TTLL11: variants seen among roughly 807,000 people sequenced by gnomAD.
The protein encoded by TTLL11 is tubulin polyglutamylase TTLL11.
In TTLL11, 42 loss-of-function variants were observed where a neutral mutation model predicts 51.7. The observed-to-expected ratio is 0.81, with a 90% CI of 0.64 to 1.05. The LOEUF (loss-of-function observed/expected upper bound fraction) is 1.05, where lower values mean the gene tolerates loss of function less well. Among genes scored for constraint, TTLL11 ranks in the 50% least tolerant of loss-of-function variants. The pLI is 0.00. For synonymous variants in TTLL11, 381 were observed against 383.5 expected, an observed-to-expected ratio of 0.99 and a Z score of 0.08; for missense variants, 799 against 940.4, an observed-to-expected ratio of 0.85 and a Z score of 1.97.
At chr9:122,088,199 A>G (rs1846177107) in intron 1 of TTLL11, among the ~76,000 whole-genome samples, 1 of 152,070 alleles carries the variant, frequency 6.6e-6, no homozygotes, top group Non-Finnish European at 1.5e-5. Context: ...CCACTCCCCC[A>G]TATGCTCCCT....
intron 6 of TTLL11, among the ~76,000 whole-genome samples, chr9:121,969,793 A>G (rs1309656365): frequency 6.6e-6 from 1 of 152,212 alleles, no homozygotes; most frequent in African/African-American, 2.4e-5. Flanking sequence ...AGTTGGAGTG[A>G]CATAGTCTCA....
chr9:121,984,529 G>A (rs572480781), intron 4 of TTLL11, among the ~76,000 whole-genome samples: 3 of 152,172 alleles, frequency 2.0e-5, no homozygotes, highest in African/African-American at 4.8e-5. Context: ...CCAGCTAGAG[G>A]TGCCAGGGTT....
At chr9:121,878,529 G>A (rs997985685) in intron 6 of TTLL11, among the ~76,000 whole-genome samples, 1 of 152,170 alleles carries the variant, frequency 6.6e-6, no homozygotes, top group Non-Finnish European at 1.5e-5. Context: ...CAGGCCTGGG[G>A]TTGCTGCAGG....
At chr9:122,088,095 T>A (rs148972718) in intron 1 of TTLL11, among the ~76,000 whole-genome samples, 153 of 152,332 alleles carry the variant, frequency 1.0e-3, no homozygotes, top group African/African-American at 3.5e-3. Flanking sequence ...CGGGTCTATA[T>A]ATGGCAAGCA....
chr9:121,852,636 G>A (rs957463803), intron 8 of TTLL11, among the ~76,000 whole-genome samples: 16 of 152,242 alleles, frequency 1.1e-4, no homozygotes, highest in East Asian at 3.9e-4. Context: ...ACAGGCACTC[G>A]CCCGACAAAG....
intron 7 of TTLL11, among the ~76,000 whole-genome samples, chr9:121,863,257 G>T (rs900250696): frequency 7.9e-5 from 12 of 152,246 alleles, no homozygotes; most frequent in South Asian, 2.1e-4. Context: ...GGGTTCTGTG[G>T]GGGAGGATGG....
At chr9:121,987,852 C>T (rs532281399) in intron 4 of TTLL11, among the ~76,000 whole-genome samples, 56 of 152,162 alleles carry the variant, frequency 3.7e-4, no homozygotes, top group African/African-American at 1.3e-3. Flanking sequence ...TCTTTGGTCA[C>T]CATTTGCTGA....
chr9:121,939,853 G>A (rs1208625147), intron 6 of TTLL11, among the ~76,000 whole-genome samples: 1 of 152,176 alleles, frequency 6.6e-6, no homozygotes, highest in East Asian at 1.9e-4. Flanking sequence ...GCTCTGAAGA[G>A]CCGTCCAGGC....
chr9:121,883,628 T>A (rs190178900), intron 6 of TTLL11, among the ~76,000 whole-genome samples: 14 of 152,334 alleles, frequency 9.2e-5, no homozygotes, highest in Admixed American at 7.8e-4. Flanking sequence ...CAATTTGAAT[T>A]CCCTGAACAT....
At chr9:122,022,324 T>A (rs1844205835) in intron 3 of TTLL11, among the ~76,000 whole-genome samples, 1 of 151,620 alleles carries the variant, frequency 6.6e-6, no homozygotes, top group Admixed American at 6.6e-5. Flanking sequence ...GAAAATTACA[T>A]CAAGACACAT....
chr9:121,930,834 C>T (rs7022103), intron 6 of TTLL11, among the ~76,000 whole-genome samples: 25,649 of 152,184 alleles, frequency 0.17, 2,229 homozygotes, highest in Middle Eastern at 0.19. Context: ...CAAATTTCCT[C>T]GCGCTGAGTT....
chr9:121,984,050 CAG>C (rs1261728907), intron 4 of TTLL11, among the ~76,000 whole-genome samples: 1 of 152,046 alleles, frequency 6.6e-6, no homozygotes, highest in Non-Finnish European at 1.5e-5. Flanking sequence ...TCAGCCGAGA[CAG>C]AAGAGAATCA....
chr9:122,058,775 A>C (rs1218788925), intron 1 of TTLL11, among the ~76,000 whole-genome samples: 2 of 152,220 alleles, frequency 1.3e-5, no homozygotes, highest in East Asian at 3.8e-4. Context: ...CCTTGAGATG[A>C]GAGCTGTTAT....
rs372767599 is a variant in TTLL11 at position 121,982,452 on chromosome 9, C to T, written c.1269+6743G>A. Among the ~76,000 whole-genome samples, 169 of 152,226 alleles carry T rather than the reference C, an allele frequency of 1.1e-3. 1 individual carries two copies. Among genetic ancestry groups the T allele is most frequent in the African/African-American group, 3.9e-3 (160 of 41,526 alleles). On this transcript the variant is annotated intron_variant, in intron 4 of 8. Coordinates refer to ENST00000321582, the MANE Select transcript of TTLL11 (RefSeq NM_001139442.2). ...CATTTTTGGGCTGGGCATGGTGGCT[C>T]ACACCTGTAATCCCAGCACTTTGGG...
chr9:121,936,373 C>T (rs1259794301), intron 6 of TTLL11, among the ~76,000 whole-genome samples: 1 of 151,996 alleles, frequency 6.6e-6, no homozygotes, highest in Non-Finnish European at 1.5e-5. Flanking sequence ...AAGTGATCCT[C>T]CTCACCTTGG....
At chr9:121,885,016 C>A (rs989242771) in intron 6 of TTLL11, 10 of 152,188 alleles carry the variant, frequency 6.6e-5, no homozygotes, top group Admixed American at 5.9e-4. Flanking sequence ...TTGCTCTCTG[C>A]CCCCAGAAGT....
intron 6 of TTLL11, among the ~76,000 whole-genome samples, chr9:121,932,984 C>T (rs761367605): frequency 6.6e-5 from 10 of 152,188 alleles, no homozygotes; most frequent in Non-Finnish European, 1.5e-4. Flanking sequence ...TGAGAACCCA[C>T]TTAAAAATGT....
At chr9:121,878,039 ACTTTC>A (rs1413423938) in intron 6 of TTLL11, among the ~76,000 whole-genome samples, 1 of 152,194 alleles carries the variant, frequency 6.6e-6, no homozygotes, top group African/African-American at 2.4e-5. Flanking sequence ...AGGTTAACCT[ACTTTC>A]CTAAGGTGGC....
chr9:121,935,186 T>C (rs1046166047), intron 6 of TTLL11, among the ~76,000 whole-genome samples: 4 of 152,092 alleles, frequency 2.6e-5, no homozygotes, highest in Admixed American at 6.6e-5. Flanking sequence ...CTTGAACTCC[T>C]GACCTCTTGA....
Sources: allele counts gnomAD v4.1 joint callset (sites outside exome capture counted in the v4.1 genomes callset), GRCh38; gene constraint gnomAD v4.1.1; transcripts MANE v1.5; gene names NCBI Gene and HGNC (gene_info 2026-07-23, HGNC 2026-07-21).